The following CCAR2 variants were observed in gnomAD, a reference collection of about 807,000 sequenced individuals.
CCAR2 encodes the protein cell cycle and apoptosis regulator protein 2.
A neutral mutation model predicts 108.1 loss-of-function variants in CCAR2; 21 were observed. The ratio of observed to expected loss-of-function variants is 0.19; its 90% CI spans 0.14 to 0.28. The LOEUF is 0.28. Ranked by LOEUF, CCAR2 falls within the 10% of genes least tolerant of loss-of-function variation. CCAR2 has a pLI of 1.00. For missense variants in CCAR2, 1,126 were observed against 1,177.0 expected, an observed-to-expected ratio of 0.96 and a Z score of 0.63; for synonymous variants, 577 against 472.8, an observed-to-expected ratio of 1.22 and a Z score of -2.86.
At chr8:22,611,164 C>G (rs1245438385) in intron 7 of CCAR2, among the ~76,000 whole-genome samples, 1 of 151,496 alleles carries the variant, frequency 6.6e-6, no homozygotes, top group Admixed American at 6.6e-5. Flanking sequence ...AGTTCAAAAC[C>G]AGCCTGGCCA....
chr8:22,606,462 C>A, intron 3 of CCAR2, 145 bp from the exon 4 acceptor site: 1 of 684,752 alleles, frequency 1.5e-6, no homozygotes, highest in Non-Finnish European at 2.6e-6. Flanking sequence ...ATGGAGTATG[C>A]CCACCACACC....
Position 22,619,152 on chromosome 8 carries a change from G to A in CCAR2, c.2524G>A (p.Glu842Lys). The A allele has an allele frequency of 6.2e-7, 1 of 1,604,598 alleles. No individual in the cohort carries two copies. Among genetic ancestry groups the A allele is most frequent in the South Asian group, 1.1e-5 (1 of 90,300 alleles). ...CCGTTTCCTTCTCCACCTTGCAGAG[G>A]AGAGCCATAACCGTTTCTCAGCCAC... Reference protein sequence around the residue: ...KIHTLELKLEESHNRFSATEV... With the variant: ...KIHTLELKLEKSHNRFSATEV... The change falls in exon 20 of 21, where the codon GAG becomes AAG. Residue 842 changes from glutamate to lysine, a missense_variant and splice_region_variant. Coordinates refer to ENST00000308511, the MANE Select transcript of CCAR2 (RefSeq NM_001393997.1).
chr8:22,607,171 G>A (rs1212921540), intron 5 of CCAR2, 25 bp from the exon 6 acceptor site: 1 of 1,612,804 alleles, frequency 6.2e-7, no homozygotes, highest in Admixed American at 1.7e-5. Context: ...GGGGTCCCCT[G>A]AATTTCCTGG....
chr8:22,616,278 A>C, intron 14 of CCAR2, 30 bp downstream of exon 14: 1 of 1,600,692 alleles, frequency 6.2e-7, no homozygotes, highest in Non-Finnish European at 8.5e-7. Flanking sequence ...GGGCTGTCAT[A>C]GTGCTTACCG....
rs1009559808 is a variant in CCAR2, at chr8:22,615,326, C to T, written c.1206-99C>T. ...CAAAGCTTGGTTCGCAGTGTGTGCT[C>T]ATTGAGTGCTGACTGGAAACTGAAG... On this transcript the variant is annotated intron_variant, in intron 11 of 20. Coordinates refer to ENST00000308511, the MANE Select transcript of CCAR2 (RefSeq NM_001393997.1). 3.6e-6 allele frequency: 5 copies of T among 1,396,852 alleles called. No individual in the cohort carries two copies. In the African/African-American group the frequency reaches 7.2e-5, roughly 20 times the overall value. The allele number at this position is 1,396,852 out of a possible 1,614,324, so 86.5% of individuals were successfully genotyped here. A position where few individuals can be genotyped will look rare whatever the true frequency, so the allele number is the denominator to read the frequency against.
intron 8 of CCAR2, among the ~76,000 whole-genome samples, chr8:22,613,348 T>A (rs1226931013): frequency 1.5e-5 from 2 of 134,034 alleles, no homozygotes; most frequent in African/African-American, 2.8e-5. Flanking sequence ...ATTTATTAGA[T>A]CTAGTTCTTT....
In CCAR2 at chr8:22,604,759, A is replaced by G. The variant is rs1228129111; in HGVS notation, c.-122A>G. On this transcript the variant is annotated 5_prime_UTR_variant, in exon 1 of 21. Transcript: ENST00000308511. ...CCGACCAGTGGTCGCGCTTCCGGAGAGGCGCTTCCGGTGGCGGCGGCAGCA... is the reference window on the plus strand; with the variant it reads ...CCGACCAGTGGTCGCGCTTCCGGAGGGGCGCTTCCGGTGGCGGCGGCAGCA... The G allele has an allele frequency of 4.4e-6, 2 of 455,968 alleles. No homozygotes were observed. Among genetic ancestry groups the G allele is most frequent in the African/African-American group, 4.0e-5 (2 of 50,024 alleles). The allele number at this position is 455,968 out of a possible 1,614,324, so 28.2% of individuals were successfully genotyped here. A position where few individuals can be genotyped will look rare whatever the true frequency, so the allele number is the denominator to read the frequency against.
chr8:22,607,497 T>G (rs1446143793), intron 6 of CCAR2, among the ~76,000 whole-genome samples, 172 bp downstream of exon 6: 1 of 145,398 alleles, frequency 6.9e-6, no homozygotes, highest in Non-Finnish European at 1.5e-5. Flanking sequence ...TGATGGAGTC[T>G]CGCTCTGTTG....
chr8:22,619,848 T>C lies in CCAR2; in HGVS notation c.*166T>C. 1 of 680,748 alleles carries C rather than the reference T, an allele frequency of 1.5e-6. No individual in the cohort carries two copies. Among genetic ancestry groups the C allele is most frequent in the Admixed American group, 2.5e-5 (1 of 40,758 alleles). 42.2% of individuals were successfully genotyped at this position (680,748 alleles called of 1,614,324 possible). On this transcript the variant is annotated 3_prime_UTR_variant, in exon 21 of 21. Coordinates refer to ENST00000308511, the MANE Select transcript of CCAR2 (RefSeq NM_001393997.1). ...GACGGCAGGCCATCAGGCTGGGGGC[T>C]GTGCTATGTGGGATGGATGTGTGAG...
chr8:22,605,116 G>A (rs1013994973), intron 1 of CCAR2: 7 of 240,938 alleles, frequency 2.9e-5, no homozygotes, highest in Non-Finnish European at 5.0e-5. Context: ...CGGAGCGGAG[G>A]GCCCGGGAGC....
intron 8 of CCAR2, among the ~76,000 whole-genome samples, 165 bp downstream of exon 8, chr8:22,613,301 T>C (rs1801365472): frequency 6.6e-6 from 1 of 152,236 alleles, no homozygotes; most frequent in Non-Finnish European, 1.5e-5. Context: ...GGTTTGCCTT[T>C]TCACTGAATG....
chr8:22,615,140 GGTAGGGTGGGGT>G (rs1801449476), intron 11 of CCAR2, 139 bp downstream of exon 11: 1 of 1,208,994 alleles, frequency 8.3e-7, no homozygotes, highest in African/African-American at 1.5e-5. Flanking sequence ...GGTGCCTCAG[GGTAGGGTGGGGT>G]GTATGCCAAA....
In CCAR2 at chr8:22,620,036, C is replaced by T. The variant is rs200286613; in HGVS notation, c.*354C>T. 92 of 279,914 alleles carry T rather than the reference C, an allele frequency of 3.3e-4. 2 individuals are homozygous for T. Among genetic ancestry groups the T allele is most frequent in the Admixed American group, 3.2e-3 (71 of 22,074 alleles). The allele number at this position is 279,914 out of a possible 1,614,324, so 17.3% of individuals were successfully genotyped here. On this transcript the variant is annotated 3_prime_UTR_variant, in exon 21 of 21. Coordinates refer to ENST00000308511, the MANE Select transcript of CCAR2 (RefSeq NM_001393997.1). ...TAAGACAGGGGAGAAAAAGGCTTTT[C>T]GAGTGTGGGACAAGGTCTGATGTCA...
In CCAR2 at chr8:22,620,011, T is replaced by TAAGAC. The variant is rs1234771439; in HGVS notation, c.*331_*335dup. 1.1e-5 allele frequency: 4 copies of TAAGAC among 353,938 alleles called. No individual in the cohort carries two copies. The highest frequency in any genetic ancestry group is 5.6e-5 in the East Asian group (1 of 17,802). The allele number at this position is 353,938 out of a possible 1,614,324, so 21.9% of individuals were successfully genotyped here. ...TCTCCTGTCCTCTTCCAGTTTAGAA[T>TAAGAC]AAGACAGGGGAGAAAAAGGCTTTTC... On this transcript the variant is annotated 3_prime_UTR_variant, in exon 21 of 21. Coordinates refer to ENST00000308511, the MANE Select transcript of CCAR2 (RefSeq NM_001393997.1).
rs1025111509 is a variant in CCAR2, at chr8:22,606,969, A to G, written c.302A>G (p.Asn101Ser). Residue 101 changes from asparagine (N) to serine (S), a missense_variant, in exon 5 of 21, where the codon AAC becomes AGC. Around this residue, in one of 4 missense-constraint regions of CCAR2, gnomAD observed 44 missense variants for 63.4 expected, o/e 0.69. Transcript: ENST00000308511. ...GEKVLVKAAY[N>S]PGQAVPWNAV... ...AAGGTGCTGGTGAAGGCTGCATACA[A>G]CCCAGGCCAGGCAGTGCCCTGGAAT... The G allele has an allele frequency of 1.2e-5, 19 of 1,613,932 alleles. No individual in the cohort carries two copies. The highest frequency in any genetic ancestry group is 2.2e-5 in the East Asian group (1 of 44,894).
At position 22,606,321 on chromosome 8, in the gene CCAR2, C is replaced by T. The variant is rs984730504; in HGVS notation, c.150+145C>T. 4.0e-6 allele frequency: 3 copies of T among 748,748 alleles called. No individual in the cohort carries two copies. In the African/African-American group the frequency reaches 5.3e-5, roughly 13 times the overall value. 46.4% of individuals were successfully genotyped at this position (748,748 alleles called of 1,614,324 possible). A position where few individuals can be genotyped will look rare whatever the true frequency, so the allele number is the denominator to read the frequency against. ...GCTAGTATGGGGTTGCCCAGATAGC[C>T]TTCAGACTGGGGCATCTTCATTTCT... On this transcript the variant is annotated intron_variant, in intron 3 of 20. Transcript: ENST00000308511.
intron 7 of CCAR2, among the ~76,000 whole-genome samples, chr8:22,609,245 G>C (rs566595199): frequency 6.6e-6 from 1 of 151,976 alleles, no homozygotes; most frequent in African/African-American, 2.4e-5. Context: ...TGTAAGGCTG[G>C]GTGCGATGGC....
At chr8:22,621,277 A>C (rs1801796132), downstream of CCAR2, 3 of 1,124,460 alleles carry the variant, frequency 2.7e-6, no homozygotes, top group Non-Finnish European at 3.7e-6. Context: ...TGCCAGGCTC[A>C]GGAAGAGTCA....
chr8:22,611,388 A>ATGTGTGTGTGTGTGTGTGTGTGTG (rs145362940), intron 7 of CCAR2, among the ~76,000 whole-genome samples: 10 of 128,494 alleles, frequency 7.8e-5, no homozygotes, highest in African/African-American at 2.6e-4. Context: ...AAGTATATAT[A>ATGTGTGTGTGTGTGTGTGTGTGTG]TGTGTGTGTG....
Sources: allele counts gnomAD v4.1 joint callset (sites outside exome capture counted in the v4.1 genomes callset), GRCh38; gene constraint gnomAD v4.1.1; regional missense constraint gnomAD v4.1.1; transcripts MANE v1.5; gene names NCBI Gene and HGNC (gene_info 2026-07-23, HGNC 2026-07-21).